Variants in IMMP2L observed in about 807,000 individuals in gnomAD.
IMMP2L encodes the protein mitochondrial inner membrane protease subunit 2.
Under a neutral mutation model 19.3 loss-of-function variants are expected in IMMP2L, and 18 were observed. The observed-to-expected ratio is 0.93, with a 90% CI of 0.64 to 1.38. The LOEUF is 1.38. Ranked by LOEUF, IMMP2L falls within the 40% of genes most tolerant of loss-of-function variation. IMMP2L has a pLI of 0.00. For missense variants in IMMP2L, 233 were observed against 218.2 expected, an observed-to-expected ratio of 1.07 and a Z score of -0.43; for synonymous variants, 76 against 73.0, an observed-to-expected ratio of 1.04 and a Z score of -0.21.
chr7:110,696,932 G>T (rs1793931788), intron 5 of IMMP2L, among the ~76,000 whole-genome samples: 1 of 152,102 alleles, frequency 6.6e-6, no homozygotes, highest in South Asian at 2.1e-4. Context: ...CAGGTGGAGG[G>T]CTCAATAAAC....
intron 3 of IMMP2L, among the ~76,000 whole-genome samples, chr7:111,444,509 A>G (rs1439579215): frequency 6.6e-6 from 1 of 152,236 alleles, no homozygotes; most frequent in Non-Finnish European, 1.5e-5. Context: ...TTTAATATTT[A>G]TAGTGATTAT....
At chr7:111,242,302 A>C (rs1406297908) in intron 3 of IMMP2L, among the ~76,000 whole-genome samples, 4 of 152,046 alleles carry the variant, frequency 2.6e-5, no homozygotes, top group Non-Finnish European at 5.9e-5. Flanking sequence ...GCTAGGAGAA[A>C]ATCCAATCTC....
chr7:111,005,225 TC>T (rs1310224257), intron 3 of IMMP2L, among the ~76,000 whole-genome samples: 1 of 152,152 alleles, frequency 6.6e-6, no homozygotes, highest in Non-Finnish European at 1.5e-5. Flanking sequence ...TGCAAATTGA[TC>T]CACCCAGAAT....
At chr7:110,685,435 A>G (rs1261454801) in intron 5 of IMMP2L, among the ~76,000 whole-genome samples, 1 of 152,176 alleles carries the variant, frequency 6.6e-6, no homozygotes, top group Non-Finnish European at 1.5e-5. Context: ...GCAGCCCCAT[A>G]GAAAGTCAGG....
At chr7:111,505,779 A>G (rs1037354327) in intron 2 of IMMP2L, among the ~76,000 whole-genome samples, 2 of 150,278 alleles carry the variant, frequency 1.3e-5, no homozygotes. Context: ...ATGAGAACAC[A>G]TGGACACAGG....
chr7:111,241,701 A>T (rs1815066001), intron 3 of IMMP2L, among the ~76,000 whole-genome samples: 1 of 151,130 alleles, frequency 6.6e-6, no homozygotes, highest in South Asian at 2.1e-4. Flanking sequence ...TATAAATTGT[A>T]TATATATATT....
intron 3 of IMMP2L, among the ~76,000 whole-genome samples, chr7:111,280,593 A>G (rs1429064914): frequency 1.3e-5 from 2 of 152,140 alleles, no homozygotes; most frequent in Non-Finnish European, 2.9e-5. Context: ...AGTGGCAAGC[A>G]AAAAAAGGAA....
chr7:111,427,074 T>C (rs185243151), intron 3 of IMMP2L, among the ~76,000 whole-genome samples: 1 of 150,936 alleles, frequency 6.6e-6, no homozygotes, highest in Non-Finnish European at 1.5e-5. Flanking sequence ...AGATCCAAAC[T>C]CCTTACTTCA....
chr7:111,558,261 AC>A (rs1791608645), intron 1 of IMMP2L, among the ~76,000 whole-genome samples: 1 of 151,894 alleles, frequency 6.6e-6, no homozygotes, highest in Non-Finnish European at 1.5e-5. Flanking sequence ...ATTCTGCATG[AC>A]CCCTTCTGAG....
chr7:110,862,303 C>T (rs1399786498), intron 5 of IMMP2L, among the ~76,000 whole-genome samples: 6 of 151,134 alleles, frequency 4.0e-5, no homozygotes, highest in Admixed American at 4.0e-4. Flanking sequence ...TCCAGAATGT[C>T]TTTAGAGGAG....
chr7:110,715,655 T>G (rs1456551287), intron 5 of IMMP2L, among the ~76,000 whole-genome samples: 1 of 152,154 alleles, frequency 6.6e-6, no homozygotes, highest in Non-Finnish European at 1.5e-5. Flanking sequence ...TCAGCTTTTT[T>G]GAATTTATTA....
At chr7:111,387,622 G>C (rs1831896950) in intron 3 of IMMP2L, among the ~76,000 whole-genome samples, 1 of 152,052 alleles carries the variant, frequency 6.6e-6, no homozygotes, top group South Asian at 2.1e-4. Context: ...TTGCATAACA[G>C]AATCTTAAGC....
chr7:111,071,725 G>T (rs1042046231), intron 3 of IMMP2L, among the ~76,000 whole-genome samples: 1 of 151,882 alleles, frequency 6.6e-6, no homozygotes, highest in Admixed American at 6.6e-5. Context: ...AAGAGCAAGG[G>T]GAAAGGGAGA....
At chr7:111,102,748 T>C (rs1328604753) in intron 3 of IMMP2L, among the ~76,000 whole-genome samples, 2 of 151,562 alleles carry the variant, frequency 1.3e-5, no homozygotes, top group Non-Finnish European at 3.0e-5. Flanking sequence ...AAACTTCCAC[T>C]ACTCTGGGAC....
chr7:110,942,499 C>T (rs1196376661), intron 4 of IMMP2L, among the ~76,000 whole-genome samples: 1 of 151,780 alleles, frequency 6.6e-6, no homozygotes. Flanking sequence ...TTAGAAACAG[C>T]AGAATGATTT....
intron 3 of IMMP2L, among the ~76,000 whole-genome samples, chr7:111,036,470 T>C (rs987779791): frequency 6.6e-6 from 1 of 152,216 alleles, no homozygotes; most frequent in Non-Finnish European, 1.5e-5. Context: ...AATGTATTAA[T>C]ATGACATTAT....
chr7:110,785,700 T>C (rs879544147), intron 5 of IMMP2L, among the ~76,000 whole-genome samples: 6 of 151,974 alleles, frequency 3.9e-5, no homozygotes, highest in Admixed American at 3.9e-4. Context: ...GAAAGCATTA[T>C]AAACCATATC....
chr7:110,717,520 G>A (rs1244165131), intron 5 of IMMP2L, among the ~76,000 whole-genome samples: 2 of 152,114 alleles, frequency 1.3e-5, no homozygotes, highest in Non-Finnish European at 2.9e-5. Flanking sequence ...AGCACCCAAA[G>A]GGAAGGTACT....
At chr7:110,812,908 G>A (rs904483344) in intron 5 of IMMP2L, among the ~76,000 whole-genome samples, 2 of 151,830 alleles carry the variant, frequency 1.3e-5, no homozygotes, top group African/African-American at 4.8e-5. Flanking sequence ...CAAATGCCAA[G>A]TCTGTTTTTA....
Sources: allele counts gnomAD v4.1 joint callset (sites outside exome capture counted in the v4.1 genomes callset), GRCh38; gene constraint gnomAD v4.1.1; transcripts MANE v1.5; gene names NCBI Gene and HGNC (gene_info 2026-07-23, HGNC 2026-07-21).